Variants in SETD4 observed in about 807,000 individuals in gnomAD.
SETD4 encodes SET domain-containing protein 4.
A neutral mutation model predicts 58.3 loss-of-function variants in SETD4; 46 were observed. The observed-to-expected ratio is 0.79, with a 90% CI of 0.62 to 1.01. The LOEUF (loss-of-function observed/expected upper bound fraction) is 1.01. Among genes scored for constraint, SETD4 ranks in the 50% least tolerant of loss-of-function variants. The probability of loss-of-function intolerance (pLI) is 0.00; values close to 1 mark genes in which losing one functional copy is unlikely to be tolerated. For missense variants in SETD4, 490 were observed against 523.3 expected, an observed-to-expected ratio of 0.94 and a Z score of 0.62; for synonymous variants, 190 against 202.6, an observed-to-expected ratio of 0.94 and a Z score of 0.53.
rs1343155221 is a variant in SETD4, at chr21:36,050,209, T to A, written c.208-1813A>T. 3 of 1,188,316 alleles carry A rather than the reference T, an allele frequency of 2.5e-6. No homozygotes were observed. The Admixed American group carries it at 5.0e-5, about 20-fold the overall frequency. 73.6% of individuals were successfully genotyped at this position (1,188,316 alleles called of 1,614,324 possible). On this transcript the variant is annotated intron_variant, in intron 4 of 11. Transcript: ENST00000332131. ...ACAATCCAGGCAAGGAAGCACAAGC[T>A]GATCAAGATCTGTAGTTACGTGGCT...
intron 2 of SETD4, 85 bp from the exon 3 acceptor site, chr21:36,057,289 G>A: frequency 2.0e-6 from 2 of 990,714 alleles, no homozygotes; most frequent in Non-Finnish European, 3.3e-6. Flanking sequence ...CTGATGAAAT[G>A]TGTCAGACAG....
In SETD4 at chr21:36,036,235, T is replaced by A; in HGVS notation, c.1205A>T (p.Asp402Val). The A allele has an allele frequency of 3.7e-6, 6 of 1,608,894 alleles. No homozygotes were observed. The highest frequency in any genetic ancestry group is 5.1e-6 in the Non-Finnish European group (6 of 1,178,638). ...TTGGTTTATCAGGGCCTCTTTTTCA[T>A]CCTTCATATGAGACACCTGAAAGTT... ...AVLQKVSHMK[D>V]EKEALINQLT... The change falls in exon 11 of 12, where the codon GAT becomes GTT. Residue 402 changes from aspartate (D) to valine (V), a missense_variant. Physicochemically the swap from Asp to Val is radical, Grantham distance 152. Coordinates refer to ENST00000332131, the MANE Select transcript of SETD4 (RefSeq NM_017438.5).
chr21:36,046,038 G>A lies in SETD4; in HGVS notation c.297-27C>T, dbSNP rs753042419. ...TTTGAAAATTAAAAGCCAGTTTAAA[G>A]GAATTACTTTGATTCAAAATACGAA... On this transcript the variant is annotated intron_variant, in intron 5 of 11. Transcript: ENST00000332131. 5 of 1,592,860 alleles carry A rather than the reference G, an allele frequency of 3.1e-6. No homozygotes were observed. In the African/African-American group the frequency reaches 6.8e-5, roughly 22 times the overall value.
chr21:36,048,505 T>A, intron 4 of SETD4, 109 bp from the exon 5 acceptor site: 1 of 929,798 alleles, frequency 1.1e-6, no homozygotes, highest in Non-Finnish European at 1.7e-6. Flanking sequence ...TAACCCACTG[T>A]AACTCAACCA....
rs2063753277 is a variant in SETD4 at position 36,035,584 on chromosome 21, C to CCG, written c.*408_*409insCG. ...GGGAAGGGCTGGCGTCTGGGCCACC[C>CCG]TGGCGGGGATCCAGGACTACCTCAC... On this transcript the variant is annotated 3_prime_UTR_variant, in exon 12 of 12. Coordinates refer to ENST00000332131, the MANE Select transcript of SETD4 (RefSeq NM_017438.5). 6.1e-6 allele frequency: 1 copy of CCG among 163,776 alleles called. No homozygotes were observed. Among genetic ancestry groups the CCG allele is most frequent in the Non-Finnish European group, 1.3e-5 (1 of 74,522 alleles). The allele number at this position is 163,776 out of a possible 1,614,324, so 10.1% of individuals were successfully genotyped here.
intron 1 of SETD4, 175 bp from the exon 2 acceptor site, chr21:36,059,099 C>T (rs2065141643): frequency 6.0e-6 from 4 of 667,478 alleles, no homozygotes; most frequent in East Asian, 3.4e-5. Flanking sequence ...GTACATGAAA[C>T]GTTTATACTG....
chr21:36,043,473 C>T (rs1407557315), intron 7 of SETD4: 8 of 1,116,240 alleles, frequency 7.2e-6, no homozygotes, highest in East Asian at 5.7e-5. Context: ...CCAGTGACAA[C>T]GTCTCAGTAT....
chr21:36,059,674 CGA>C (rs2065189456), intron 1 of SETD4: 1 of 900,182 alleles, frequency 1.1e-6, no homozygotes, highest in Non-Finnish European at 1.3e-6. Context: ...GGCGACAGAG[CGA>C]GACTCTGTCA....
intron 8 of SETD4, among the ~76,000 whole-genome samples, chr21:36,040,882 C>T (rs968963685): frequency 6.6e-6 from 1 of 151,972 alleles, no homozygotes; most frequent in Non-Finnish European, 1.5e-5. Flanking sequence ...AACAGCTGGC[C>T]GGGCGCAGTG....
At position 36,041,896 on chromosome 21, in the gene SETD4, C is replaced by A. The variant is rs1246546083; in HGVS notation, c.902-8G>T. 78 of 1,181,556 alleles carry A rather than the reference C, an allele frequency of 6.6e-5. No homozygotes were observed. Among genetic ancestry groups the A allele is most frequent in the Middle Eastern group, 2.5e-4 (1 of 4,028 alleles). The allele number at this position is 1,181,556 out of a possible 1,614,324, so 73.2% of individuals were successfully genotyped here. On this transcript the variant is annotated splice_polypyrimidine_tract_variant and splice_region_variant and intron_variant, in intron 7 of 11. Transcript: ENST00000332131. ...GATATTTAACAAGTATTTCTATATT[C>A]AAAAAAAAAAATCAGACTGTTAGGG...
intron 10 of SETD4, 60 bp from the exon 11 acceptor site, chr21:36,036,311 AC>A (rs2063778677): frequency 1.4e-3 from 151 of 108,576 alleles, no homozygotes; most frequent in Non-Finnish European, 1.6e-3. Context: ...ATTTCACAGA[AC>A]GTACGTACCT....
Position 36,043,831 on chromosome 21 carries a change from G to A in SETD4, c.852C>T (p.Tyr284=), listed in dbSNP as rs764339100. 70 of 1,614,070 alleles carry A rather than the reference G, an allele frequency of 4.3e-5. No homozygotes were observed. The highest frequency in any genetic ancestry group is 1.6e-4 in the East Asian group (7 of 44,896). ...GAGGATTATGGACAGAAACAAATCC[G>A]TATTCCAGGAACAGCCGTTGATTAT... ...PHDNQRLFLE[Y]GFVSVHNPHA... Residue 284 remains tyrosine, a synonymous_variant, in exon 7 of 12, where the codon TAC becomes TAT. Transcript: ENST00000332131.
intron 3 of SETD4, among the ~76,000 whole-genome samples, chr21:36,054,095 G>A (rs1487369510): frequency 6.6e-6 from 1 of 152,128 alleles, no homozygotes; most frequent in African/African-American, 2.4e-5. Flanking sequence ...TCCCCACAAA[G>A]CCTGCAGACA....
chr21:36,049,841 T>C (rs1484379840), intron 4 of SETD4, among the ~76,000 whole-genome samples: 2 of 152,232 alleles, frequency 1.3e-5, no homozygotes, highest in East Asian at 1.9e-4. Context: ...AATTATTTCA[T>C]GACCTAAACA....
In SETD4 at chr21:36,058,934, C is replaced by A; in HGVS notation, c.-36-10G>T. The A allele has an allele frequency of 6.5e-7, 1 of 1,536,924 alleles. No individual in the cohort carries two copies. The highest frequency in any genetic ancestry group is 8.7e-7 in the Non-Finnish European group (1 of 1,143,900). ...TTTCTGAAATACAGTTCTATTTTTT[C>A]AAAAAGGACAAAACTGTAATTTCTG... On this transcript the variant is annotated splice_polypyrimidine_tract_variant and intron_variant, in intron 1 of 11. Coordinates refer to ENST00000332131, the MANE Select transcript of SETD4 (RefSeq NM_017438.5).
intron 4 of SETD4, chr21:36,053,149 C>A: frequency 5.2e-6 from 1 of 192,130 alleles, no homozygotes; most frequent in South Asian, 1.0e-4. Flanking sequence ...TGGCCAAGGA[C>A]AGAGGGACTG....
chr21:36,048,532 C>G, intron 4 of SETD4, 136 bp from the exon 5 acceptor site: 1 of 747,208 alleles, frequency 1.3e-6, no homozygotes, highest in Non-Finnish European at 2.3e-6. Flanking sequence ...ACCAATGAGC[C>G]TACCAATGGA....
chr21:36,048,271 G>A, intron 5 of SETD4, 37 bp downstream of exon 5: 1 of 1,534,274 alleles, frequency 6.5e-7, no homozygotes, highest in Non-Finnish European at 9.0e-7. Flanking sequence ...TTAAGGAGAA[G>A]CACTTGCACC....
At chr21:36,055,749 G>A (rs1330022560) in intron 3 of SETD4, among the ~76,000 whole-genome samples, 1 of 152,184 alleles carries the variant, frequency 6.6e-6, no homozygotes, top group Non-Finnish European at 1.5e-5. Flanking sequence ...GCTGGGGCCA[G>A]GGCAAGTTGT....
Sources: gnomAD v4.1 joint callset for allele counts (sites outside exome capture counted in the v4.1 genomes callset) on GRCh38, gnomAD v4.1.1 for gene constraint, MANE v1.5 for transcripts, NCBI Gene and HGNC (gene_info 2026-07-23, HGNC 2026-07-21) for gene names.